The following ROBO2 variants were observed in gnomAD, a reference collection of about 807,000 sequenced individuals.
ROBO2 encodes roundabout homolog 2.
ROBO2 carries 53 observed loss-of-function variants against 160.8 expected under a neutral mutation model. The ratio of observed to expected loss-of-function variants is 0.33; its 90% CI spans 0.26 to 0.41. The LOEUF is 0.41. Among genes scored for constraint, ROBO2 ranks in the 10% least tolerant of loss-of-function variants. The probability of loss-of-function intolerance (pLI) is 1.00; values close to 1 mark genes in which losing one functional copy is unlikely to be tolerated. For missense variants in ROBO2, 1,577 were observed against 1,722.4 expected (o/e 0.92, Z 1.49); for synonymous variants, 664 against 611.7 (o/e 1.09, Z -1.26).
At chr3:76,690,661 T>A (rs1013140922) in intron 2 of ROBO2, among the ~76,000 whole-genome samples, 4 of 152,110 alleles carry the variant, frequency 2.6e-5, no homozygotes, top group African/African-American at 9.7e-5. Context: ...ATTGTATGAA[T>A]TTTTATATTC....
chr3:76,060,196 A>G (rs2068024225), intron 2 of ROBO2, among the ~76,000 whole-genome samples: 1 of 152,166 alleles, frequency 6.6e-6, no homozygotes, highest in East Asian at 1.9e-4. Context: ...TTATAATCCA[A>G]AAACTACCTG....
intron 2 of ROBO2, among the ~76,000 whole-genome samples, chr3:76,119,439 G>T (rs1267776575): frequency 6.6e-6 from 1 of 151,834 alleles, no homozygotes. Context: ...TCACCCGAAG[G>T]TATCATGTCA....
chr3:77,574,158 A>G (rs899138262), intron 13 of ROBO2, among the ~76,000 whole-genome samples: 1 of 152,074 alleles, frequency 6.6e-6, no homozygotes, highest in Non-Finnish European at 1.5e-5. Context: ...GGGTAAGCAG[A>G]GGAGACATAA....
intron 2 of ROBO2, among the ~76,000 whole-genome samples, chr3:76,993,261 T>C (rs967996324): frequency 2.0e-5 from 3 of 152,224 alleles, no homozygotes; most frequent in African/African-American, 7.2e-5. Flanking sequence ...CTAGTAACAT[T>C]TGAGTCTATT....
intron 2 of ROBO2, among the ~76,000 whole-genome samples, chr3:76,644,636 T>G (rs143294310): frequency 2.6e-5 from 4 of 152,266 alleles, no homozygotes; most frequent in Non-Finnish European, 5.9e-5. Context: ...ATTAATACTT[T>G]TGGTGGCCAC....
At chr3:77,198,973 T>C (rs2082568076) in intron 2 of ROBO2, among the ~76,000 whole-genome samples, 1 of 152,190 alleles carries the variant, frequency 6.6e-6, no homozygotes, top group African/African-American at 2.4e-5. Context: ...ATGCTCTATG[T>C]TAATGTCCTT....
At chr3:77,558,546 T>C (rs758305554) in intron 9 of ROBO2, among the ~76,000 whole-genome samples, 1 of 151,762 alleles carries the variant, frequency 6.6e-6, no homozygotes, top group African/African-American at 2.4e-5. Context: ...GGCCAAAGAG[T>C]TGAGTAGAAG....
chr3:76,859,914 A>G (rs1216256202), intron 2 of ROBO2, among the ~76,000 whole-genome samples: 1 of 152,190 alleles, frequency 6.6e-6, no homozygotes, highest in African/African-American at 2.4e-5. Flanking sequence ...TGGCAAGTCT[A>G]CCTCTCACCA....
exon 1 of ROBO2, chr3:77,040,642 C>T (rs1393325748): frequency 5.9e-6 from 9 of 1,536,122 alleles, no homozygotes; most frequent in African/African-American, 1.4e-5. Flanking sequence ...CCCTTCTGAT[C>T]TTGCGATTTG....
At chr3:77,595,813 T>C (rs892423178) in intron 18 of ROBO2, among the ~76,000 whole-genome samples, 6 of 152,164 alleles carry the variant, frequency 3.9e-5, no homozygotes. Flanking sequence ...GGTCTTCTTA[T>C]TGCAGTTTCC....
Position 77,617,560 on chromosome 3 carries a change from T to A in ROBO2, c.3341T>A (p.Leu1114Ter). The A allele has an allele frequency of 6.2e-7, 1 of 1,614,150 alleles. No homozygotes were observed. The highest frequency in any genetic ancestry group is 8.5e-7 in the Non-Finnish European group (1 of 1,180,010). The change falls in exon 22 of 26, where the codon TTA becomes TAA. Residue 1114 changes from leucine to a stop codon, truncating the protein, a stop_gained. Coordinates refer to ENST00000461745, the Ensembl canonical transcript of ROBO2. LOFTEE classifies it high-confidence loss of function. ...CCACCATTGCCAGTACAAACTTACT[T>A]ACACCAAGGTCTGGAAGATGAACTG... is the stretch of plus-strand genomic sequence containing the variant.
intron 2 of ROBO2, among the ~76,000 whole-genome samples, chr3:76,454,520 G>T (rs1389910294): frequency 6.6e-6 from 1 of 152,068 alleles, no homozygotes; most frequent in East Asian, 1.9e-4. Context: ...TTAGAACGTT[G>T]GGGTAAGATC....
chr3:75,946,678 A>C (rs1201157056), intron 2 of ROBO2, among the ~76,000 whole-genome samples: 1 of 152,092 alleles, frequency 6.6e-6, no homozygotes, highest in East Asian at 1.9e-4. Flanking sequence ...AGCAGAAGGA[A>C]GGGCAGATAT....
intron 2 of ROBO2, among the ~76,000 whole-genome samples, chr3:76,217,549 A>C (rs1021713917): frequency 2.0e-5 from 3 of 152,198 alleles, no homozygotes; most frequent in African/African-American, 7.2e-5. Flanking sequence ...ACGCAAATAA[A>C]CTAGAAAATC....
intron 17 of ROBO2, among the ~76,000 whole-genome samples, chr3:77,590,276 C>G (rs1325338107): frequency 6.6e-6 from 1 of 152,170 alleles, no homozygotes; most frequent in Non-Finnish European, 1.5e-5. Flanking sequence ...TTGCCATTCT[C>G]ATTTCTCATT....
intron 5 of ROBO2, among the ~76,000 whole-genome samples, chr3:77,509,326 G>T (rs544768644): frequency 1.5e-4 from 23 of 152,112 alleles, no homozygotes; most frequent in African/African-American, 5.3e-4. Context: ...AAGTTCCCCT[G>T]CATCTTGTCT....
At chr3:77,196,920 G>A (rs1343958343) in intron 2 of ROBO2, among the ~76,000 whole-genome samples, 2 of 150,980 alleles carry the variant, frequency 1.3e-5, no homozygotes, top group Non-Finnish European at 1.5e-5. Flanking sequence ...GGCAAAATAT[G>A]AGAACAATTT....
At chr3:76,324,480 A>G (rs2072843406) in intron 2 of ROBO2, among the ~76,000 whole-genome samples, 1 of 152,238 alleles carries the variant, frequency 6.6e-6, no homozygotes, top group Non-Finnish European at 1.5e-5. Context: ...GGCAGAATGC[A>G]GGACGGAGAT....
chr3:76,554,558 G>A lies in ROBO2; in HGVS notation c.110-543456G>A, dbSNP rs1181434118. Among the ~76,000 whole-genome samples, 7 of 152,016 alleles carry A rather than the reference G, an allele frequency of 4.6e-5. No individual in the cohort carries two copies. The South Asian group carries it at 6.3e-4, about 14-fold the overall frequency. ...ACTTCGTTGCCTACATTGTAATTGCGTGTCTAAAGGCAAACAGCCCTGTGT... is the reference window on the plus strand; with the variant it reads ...ACTTCGTTGCCTACATTGTAATTGCATGTCTAAAGGCAAACAGCCCTGTGT... On this transcript the variant is annotated intron_variant, in intron 2 of 26. Transcript: ENST00000487694.
Sources: gnomAD v4.1 joint callset for allele counts (sites outside exome capture counted in the v4.1 genomes callset) on GRCh38, gnomAD v4.1.1 for gene constraint, MANE v1.5 for transcripts, NCBI Gene and HGNC (gene_info 2026-07-23, HGNC 2026-07-21) for gene names.